Variants in DPYD observed in about 807,000 individuals in gnomAD.
DPYD encodes the protein dihydropyrimidine dehydrogenase, also known as dihydropyrimidine dehydrogenase [NADP(+)].
Under a neutral mutation model 116.2 loss-of-function variants are expected in DPYD, and 109 were observed. The ratio of observed to expected loss-of-function variants is 0.94; its 90% CI spans 0.80 to 1.10. DPYD has a LOEUF of 1.10. DPYD is among the 50% of genes least tolerant of loss of function. The pLI is 0.00. For missense variants in DPYD, 1,302 were observed against 1,254.5 expected (o/e 1.04, Z -0.57); for synonymous variants, 440 against 432.0 (o/e 1.02, Z -0.23).
intron 20 of DPYD, among the ~76,000 whole-genome samples, chr1:97,136,686 T>C (rs1249943868): frequency 6.6e-6 from 1 of 152,180 alleles, no homozygotes; most frequent in Non-Finnish European, 1.5e-5. Flanking sequence ...GAATCACGTA[T>C]TTGGATGAAT....
chr1:97,354,163 A>G lies in DPYD; in HGVS notation c.2058+19398T>C, dbSNP rs541285939. On this transcript the variant is annotated intron_variant, in intron 16 of 22. Transcript: ENST00000370192. ...GTGTTGTACCTGCTCTCAACAAAGC[A>G]TGATGGGACATTAGGGCATTTGTAA... Among the ~76,000 whole-genome samples the G allele has an allele frequency of 1.8e-4, 28 of 152,366 alleles. 1 individual carries two copies. The highest frequency in any genetic ancestry group is 1.8e-3 in the Admixed American group (27 of 15,298).
chr1:97,715,890 T>A (rs1662585189), intron 5 of DPYD, among the ~76,000 whole-genome samples: 1 of 152,104 alleles, frequency 6.6e-6, no homozygotes. Flanking sequence ...TTAGAATACA[T>A]ATGTCTATGT....
chr1:97,622,950 CATATGTGAAGTTGAGAAGGGAGTATCATG>C (rs1656714892), intron 8 of DPYD, among the ~76,000 whole-genome samples: 1 of 151,890 alleles, frequency 6.6e-6, no homozygotes, highest in Non-Finnish European at 1.5e-5. Flanking sequence ...CTAAGATTTG[CATATGTGAAGTTGAGAAGGGAGTATCATG>C]ATACTGAAGG....
intron 5 of DPYD, among the ~76,000 whole-genome samples, chr1:97,710,251 G>A (rs1662208465): frequency 6.6e-6 from 1 of 151,746 alleles, no homozygotes; most frequent in South Asian, 2.1e-4. Context: ...ATTGCTATTT[G>A]TGCATCCAAA....
chr1:97,358,937 GA>G (rs1162631195), intron 16 of DPYD, among the ~76,000 whole-genome samples: 5 of 152,132 alleles, frequency 3.3e-5, no homozygotes, highest in Admixed American at 6.5e-5. Flanking sequence ...GGCAGCAACA[GA>G]AAAAAGCTGG....
At chr1:97,738,506 G>T (rs1408438721) in intron 4 of DPYD, among the ~76,000 whole-genome samples, 1 of 152,018 alleles carries the variant, frequency 6.6e-6, no homozygotes, top group Non-Finnish European at 1.5e-5. Flanking sequence ...TGAGTCTGGC[G>T]ATTCAATTAC....
At chr1:97,253,959 C>T (rs1358243810) in intron 18 of DPYD, among the ~76,000 whole-genome samples, 1 of 151,988 alleles carries the variant, frequency 6.6e-6, no homozygotes, top group Non-Finnish European at 1.5e-5. Flanking sequence ...CATTTCCTAG[C>T]AAGGAATAAT....
chr1:97,740,550 A>C, intron 3 of DPYD, 71 bp from the exon 4 acceptor site: 17 of 1,272,756 alleles, frequency 1.3e-5, no homozygotes, highest in Non-Finnish European at 1.7e-5. Flanking sequence ...CCTTATACTC[A>C]TTCAGAGTCC....
chr1:97,516,273 A>C (rs1379215681), intron 12 of DPYD, among the ~76,000 whole-genome samples: 1 of 152,044 alleles, frequency 6.6e-6, no homozygotes, highest in Non-Finnish European at 1.5e-5. Context: ...TTTGTACTTA[A>C]GTTATGAAAA....
intron 14 of DPYD, among the ~76,000 whole-genome samples, chr1:97,402,912 T>A (rs559448123): frequency 1.4e-5 from 2 of 145,516 alleles, no homozygotes; most frequent in South Asian, 4.9e-4. Flanking sequence ...TGAATTACAT[T>A]ACCTGATTTT....
chr1:97,159,713 ACTGTAG>A (rs1237519316), intron 20 of DPYD, among the ~76,000 whole-genome samples: 1 of 152,010 alleles, frequency 6.6e-6, no homozygotes, highest in Non-Finnish European at 1.5e-5. Context: ...TTTGTAGAAA[ACTGTAG>A]CTAAGGAGAT....
rs1018737104 is a variant in DPYD at position 97,883,279 on chromosome 1, A to T, written c.135T>A (p.Pro45=). 6.2e-7 allele frequency: 1 copy of T among 1,609,262 alleles called. No homozygotes were observed. Among genetic ancestry groups the T allele is most frequent in the African/African-American group, 1.3e-5 (1 of 74,798 alleles). ...TGGTACTTACAAAGCAGTTCTTATC[A>T]GGATTTCTTTTCCAATGTTTCTTGT... is the stretch of plus-strand genomic sequence containing the variant. ...KLDKKHWKRN[P]DKNCFNCEKL... The change falls in exon 2 of 23, where the codon CCT becomes CCA. Residue 45 remains proline, a synonymous_variant. Coordinates refer to ENST00000370192, the MANE Select transcript of DPYD (RefSeq NM_000110.4).
intron 8 of DPYD, among the ~76,000 whole-genome samples, chr1:97,651,547 C>T (rs1165674639): frequency 6.6e-6 from 1 of 151,660 alleles, no homozygotes; most frequent in Non-Finnish European, 1.5e-5. Flanking sequence ...CAGTGTTAAA[C>T]AGAAAAGGCA....
At chr1:97,652,395 A>G (rs963609525) in intron 8 of DPYD, among the ~76,000 whole-genome samples, 9 of 152,218 alleles carry the variant, frequency 5.9e-5, no homozygotes, top group African/African-American at 1.9e-4. Context: ...ATAGTTTATA[A>G]ATATTCTGTT....
At chr1:97,856,513 T>C (rs1670854458) in intron 2 of DPYD, 1 of 152,204 alleles carries the variant, frequency 6.6e-6, no homozygotes, top group African/African-American at 2.4e-5. Flanking sequence ...GAAACCTTAA[T>C]CATGTAAGAA....
chr1:97,120,267 A>G (rs1340294271), intron 20 of DPYD, among the ~76,000 whole-genome samples: 6 of 152,124 alleles, frequency 3.9e-5, no homozygotes, highest in Non-Finnish European at 7.3e-5. Flanking sequence ...GTATTCCTCA[A>G]TGAGGTTTCA....
At chr1:97,129,975 C>G (rs1324745423) in intron 20 of DPYD, among the ~76,000 whole-genome samples, 5 of 152,214 alleles carry the variant, frequency 3.3e-5, no homozygotes, top group Non-Finnish European at 5.9e-5. Flanking sequence ...TTCTAAATGT[C>G]CAGCCTTTCC....
At chr1:97,317,910 C>T (rs1667962460) in intron 16 of DPYD, among the ~76,000 whole-genome samples, 1 of 152,046 alleles carries the variant, frequency 6.6e-6, no homozygotes, top group Non-Finnish European at 1.5e-5. Context: ...GAGAACTCAT[C>T]CATAACAAGT....
At chr1:97,678,929 T>A (rs1347447326) in intron 8 of DPYD, among the ~76,000 whole-genome samples, 166 bp downstream of exon 8, 3 of 152,182 alleles carry the variant, frequency 2.0e-5, no homozygotes, top group Admixed American at 2.0e-4. Flanking sequence ...GCACTCCTAC[T>A]TATAAAATAG....
Sources: allele counts gnomAD v4.1 joint callset (sites outside exome capture counted in the v4.1 genomes callset), GRCh38; gene constraint gnomAD v4.1.1; transcripts MANE v1.5; gene names NCBI Gene and HGNC (gene_info 2026-07-23, HGNC 2026-07-21).